The following FGFR2 variants were observed in gnomAD, a reference collection of about 807,000 sequenced individuals.
FGFR2 encodes the protein BEK fibroblast growth factor receptor.
FGFR2 carries 19 observed loss-of-function variants against 95.9 expected under a neutral mutation model. The ratio of observed to expected loss-of-function variants is 0.20; its 90% CI spans 0.14 to 0.29. FGFR2 has a LOEUF of 0.29. Ranked by LOEUF, FGFR2 falls within the 10% of genes least tolerant of loss-of-function variation. The pLI is 1.00. For missense variants in FGFR2, 707 were observed against 1,056.9 expected, an observed-to-expected ratio of 0.67 and a Z score of 4.59; for synonymous variants, 392 against 393.3, an observed-to-expected ratio of 1.00 and a Z score of 0.04.
At chr10:121,540,515 G>A (rs1044986496) in intron 5 of FGFR2, among the ~76,000 whole-genome samples, 1 of 152,144 alleles carries the variant, frequency 6.6e-6, no homozygotes, top group African/African-American at 2.4e-5. Context: ...GGATCCCTGG[G>A]TGCTACAACG....
chr10:121,485,622 C>A lies in FGFR2; in HGVS notation c.2058-90G>T. On this transcript the variant is annotated intron_variant, in intron 15 of 17. Transcript: ENST00000358487. This position sits in a 1 kb window ranked among gnomAD's most constrained non-coding sequence, Gnocchi z 4.2. ...CAGCTGAGACATAAACACCTCCTCA[C>A]TTCTGAAGTTCAAAGACAAATGGGC... 6.4e-7 allele frequency: 1 copy of A among 1,571,928 alleles called. No individual in the cohort carries two copies.
intron 10 of FGFR2, among the ~76,000 whole-genome samples, chr10:121,503,203 A>C (rs773345436): frequency 3.3e-5 from 5 of 152,204 alleles, no homozygotes; most frequent in Non-Finnish European, 4.4e-5. Flanking sequence ...CGTAGCCCCA[A>C]CACCACCCAG....
chr10:121,588,644 A>C (rs1358480900), intron 2 of FGFR2, among the ~76,000 whole-genome samples: 1 of 152,164 alleles, frequency 6.6e-6, no homozygotes, highest in Non-Finnish European at 1.5e-5. Context: ...TAAGGCTAGG[A>C]CAGGTGTGGT....
In FGFR2 at chr10:121,517,372, G is replaced by A. The variant is rs121918492; in HGVS notation, c.1031C>T (p.Ala344Val). ...AAAGGATATCCCAATAGAATTACCC[G>A]CCAAGCACGTATATTCCCCAGCGTC... Reference protein sequence around the residue: ...FEDAGEYTCLAGNSIGISFHS... With the variant: ...FEDAGEYTCLVGNSIGISFHS... The change falls in exon 8 of 18, where the codon GCG (alanine) becomes GTG (valine). Residue 344 changes from alanine to valine, a missense_variant. Transcript: ENST00000358487. The surrounding 1 kb of genome is among the most constrained non-coding windows in gnomAD (Gnocchi z 4.7). The A allele has an allele frequency of 2.5e-6, 4 of 1,614,076 alleles. No homozygotes were observed. Among genetic ancestry groups the A allele is most frequent in the Non-Finnish European group, 3.4e-6 (4 of 1,179,968 alleles).
At chr10:121,539,584 G>C (rs553095227) in intron 5 of FGFR2, among the ~76,000 whole-genome samples, 1 of 152,140 alleles carries the variant, frequency 6.6e-6, no homozygotes, top group Non-Finnish European at 1.5e-5. Flanking sequence ...GCAACATCTT[G>C]TATCTTCAGG....
chr10:121,571,470 T>C (rs553217078), intron 2 of FGFR2, among the ~76,000 whole-genome samples: 1 of 151,556 alleles, frequency 6.6e-6, no homozygotes, highest in South Asian at 2.1e-4. Context: ...GGAATTTTGT[T>C]GTTGTTGTTG....
chr10:121,548,240 T>C (rs972110470), intron 5 of FGFR2, among the ~76,000 whole-genome samples: 12 of 131,586 alleles, frequency 9.1e-5, no homozygotes, highest in Non-Finnish European at 1.7e-4. Flanking sequence ...TCTGCCGCTT[T>C]TGGCCTTTTT....
intron 5 of FGFR2, among the ~76,000 whole-genome samples, chr10:121,543,886 T>G (rs374651360): frequency 6.6e-6 from 1 of 152,198 alleles, no homozygotes; most frequent in African/African-American, 2.4e-5. Flanking sequence ...TAGAGGCCCG[T>G]TGCTTGTCGG....
chr10:121,584,270 G>T (rs1245978934), intron 2 of FGFR2, among the ~76,000 whole-genome samples: 1 of 151,754 alleles, frequency 6.6e-6, no homozygotes, highest in South Asian at 2.1e-4. Flanking sequence ...GGCAAACATG[G>T]CAAGGATGAC....
chr10:121,497,673 G>A (rs770604797), intron 12 of FGFR2, among the ~76,000 whole-genome samples: 3 of 152,144 alleles, frequency 2.0e-5, no homozygotes, highest in Non-Finnish European at 4.4e-5. Flanking sequence ...GTATAGGCTC[G>A]GGGTTGGCAG....
At chr10:121,567,153 T>C (rs1857792952) in intron 2 of FGFR2, among the ~76,000 whole-genome samples, 1 of 152,096 alleles carries the variant, frequency 6.6e-6, no homozygotes, top group Admixed American at 6.5e-5. Context: ...CACAGGAGAC[T>C]GAAATCAAGT....
At chr10:121,569,043 T>G (rs1387447396) in intron 2 of FGFR2, among the ~76,000 whole-genome samples, 1 of 152,130 alleles carries the variant, frequency 6.6e-6, no homozygotes, top group East Asian at 1.9e-4. Flanking sequence ...ATTGGTAAGA[T>G]TCCAATGAGC....
Position 121,566,737 on chromosome 10 carries a change from C to T in FGFR2, c.110-1033G>A, listed in dbSNP as rs529414920. ...CTCATGAATGCATCCCATCTCCCCA[C>T]GGAGACACCAAGACCCTAGAGAAAA... On this transcript the variant is annotated intron_variant, in intron 2 of 17. Transcript: ENST00000358487. Among the ~76,000 whole-genome samples, 9 of 152,218 alleles carry T rather than the reference C, an allele frequency of 5.9e-5. No homozygotes were observed. In the South Asian group the frequency reaches 1.7e-3, roughly 28 times the overall value.
chr10:121,533,601 C>A lies in FGFR2; in HGVS notation c.748+4991G>T, dbSNP rs1202236147. 2.0e-5 allele frequency among the ~76,000 whole-genome samples: 3 copies of A among 152,200 alleles called. No homozygotes were observed. In the East Asian group the frequency reaches 5.8e-4, roughly 29 times the overall value. On this transcript the variant is annotated intron_variant, in intron 6 of 17. Transcript: ENST00000358487. The stretch of plus-strand genomic sequence containing the variant: ...AATCGTCTACATGAGTGAGGAAGAG[C>A]AACTAGTCTTTTAAGGTCCCATCTT...
intron 5 of FGFR2, among the ~76,000 whole-genome samples, chr10:121,549,212 T>G (rs1277028996): frequency 6.6e-6 from 1 of 152,190 alleles, no homozygotes; most frequent in African/African-American, 2.4e-5. Flanking sequence ...GGCAAAAACT[T>G]TTGCAGAAGA....
At position 121,479,744 on chromosome 10, in the gene FGFR2, C is replaced by T; in HGVS notation, c.*113G>A. On this transcript the variant is annotated 3_prime_UTR_variant, in exon 18 of 18. Transcript: ENST00000358487. ...TGATTACTTTTCCAATTATTTACTC[C>T]TCTGATCCATATATACAAGTGGAGA... The T allele has an allele frequency of 3.1e-6, 5 of 1,612,582 alleles. No homozygotes were observed. Among genetic ancestry groups the T allele is most frequent in the Non-Finnish European group, 4.2e-6 (5 of 1,178,972 alleles).
intron 9 of FGFR2, among the ~76,000 whole-genome samples, chr10:121,506,342 A>G (rs1848268390): frequency 1.5e-5 from 2 of 132,192 alleles, no homozygotes; most frequent in Admixed American, 8.4e-5. Context: ...TGGGCAACAG[A>G]GCAAGACTCC....
intron 9 of FGFR2, among the ~76,000 whole-genome samples, chr10:121,506,095 C>T (rs966615553): frequency 1.8e-4 from 27 of 152,026 alleles, no homozygotes; most frequent in Non-Finnish European, 3.5e-4. Flanking sequence ...CGGTGGCTCA[C>T]GCCGTAATCT....
intron 2 of FGFR2, among the ~76,000 whole-genome samples, chr10:121,588,164 C>T (rs1195917071): frequency 2.0e-5 from 3 of 151,650 alleles, no homozygotes; most frequent in African/African-American, 7.3e-5. Flanking sequence ...ACTGCATATT[C>T]TCATTTATAA....
Sources: gnomAD v4.1 joint callset for allele counts (sites outside exome capture counted in the v4.1 genomes callset) on GRCh38, gnomAD v4.1.1 for gene constraint, Gnocchi (gnomAD v3.1) non-coding constraint, MANE v1.5 for transcripts, NCBI Gene and HGNC (gene_info 2026-07-23, HGNC 2026-07-21) for gene names.